SERTAD2: variants seen among roughly 807,000 people sequenced by gnomAD.
The protein encoded by SERTAD2 is SERTA domain-containing protein 2.
Under a neutral mutation model 15.4 loss-of-function variants are expected in SERTAD2, and 2 were observed. The ratio of observed to expected loss-of-function variants is 0.13; its 90% confidence interval spans 0.05 to 0.41. The LOEUF is 0.41. SERTAD2 is among the 10% of genes least tolerant of loss of function. SERTAD2 has a pLI of 0.99. For synonymous variants in SERTAD2, 180 were observed against 178.0 expected, an observed-to-expected ratio of 1.01 and a Z score of -0.09; for missense variants, 333 against 409.7, an observed-to-expected ratio of 0.81 and a Z score of 1.62.
In SERTAD2 at chr2:64,636,704, C is replaced by T. The variant is rs533662041; in HGVS notation, c.168G>A (p.Glu56=). Residue 56 remains glutamate, a synonymous_variant, in exon 2 of 2, where the codon GAG becomes GAA. Coordinates refer to ENST00000313349, the MANE Select transcript of SERTAD2 (RefSeq NM_014755.3). ...MKLYNHRPLT[E]PSLQKTVLIN... ...TTAAAACGGTCTTTTGCAAGCTGGGCTCTGTCAGGGGCCTGTGGTTATAGA... is the reference window on the plus strand; with the variant it reads ...TTAAAACGGTCTTTTGCAAGCTGGGTTCTGTCAGGGGCCTGTGGTTATAGA... The T allele has an allele frequency of 2.5e-6, 4 of 1,614,102 alleles. No individual in the cohort carries two copies. In the South Asian group the frequency reaches 4.4e-5, roughly 18 times the overall value.
intron 1 of SERTAD2, among the ~76,000 whole-genome samples, chr2:64,638,667 C>T (rs1348109907): frequency 6.7e-6 from 1 of 149,168 alleles, no homozygotes; most frequent in African/African-American, 2.5e-5. Context: ...TTGCATGAAA[C>T]ATTTCCCCTC....
intron 1 of SERTAD2, among the ~76,000 whole-genome samples, chr2:64,647,792 C>T (rs138398999): frequency 2.0e-4 from 30 of 152,168 alleles, no homozygotes; most frequent in African/African-American, 6.7e-4. Context: ...CAAAGGTGGC[C>T]TTCTAGGTTT....
Position 64,636,174 on chromosome 2 carries a change from G to A in SERTAD2, c.698C>T (p.Thr233Met), listed in dbSNP as rs755073979. 11 of 1,614,054 alleles carry A rather than the reference G, an allele frequency of 6.8e-6. No homozygotes were observed. In the East Asian group the frequency reaches 8.9e-5, roughly 13 times the overall value. The change falls in exon 2 of 2, where the codon ACG becomes ATG. Residue 233 changes from threonine to methionine, a missense_variant. Thr to Met is a moderately conservative substitution (Grantham distance 81). Around this residue, in one of 2 missense-constraint regions of SERTAD2, gnomAD observed 332 missense variants for 392.9 expected, o/e 0.84. Transcript: ENST00000313349. ...DSLPGNFEIT[T>M]STGFLTDLTL... ...CAAGTCTGTCAGGAAACCCGTGGAC[G>A]TCGTTATTTCAAAATTCCCAGGCAG...
At chr2:64,636,900 G>A (rs1674674704) in intron 1 of SERTAD2, 25 bp from the exon 2 acceptor site, 1 of 1,492,022 alleles carries the variant, frequency 6.7e-7, no homozygotes, top group Non-Finnish European at 9.2e-7. Flanking sequence ...GAGAGGAAAT[G>A]GCATTAATCA....
chr2:64,650,140 C>T (rs1674978892), intron 1 of SERTAD2, among the ~76,000 whole-genome samples: 1 of 152,060 alleles, frequency 6.6e-6, no homozygotes, highest in Non-Finnish European at 1.5e-5. Context: ...TGGGTCTTTC[C>T]AGCTTTGGGA....
At position 64,635,693 on chromosome 2, in the gene SERTAD2, C is replaced by T. The variant is rs774528284; in HGVS notation, c.*234G>A. On this transcript the variant is annotated 3_prime_UTR_variant, in exon 2 of 2. Transcript: ENST00000313349. ...ACATTGTCTTCAAATGGATTCTTTC[C>T]TATACCAGGGTAGTAGGTCTCTGAG... 1.6e-4 allele frequency: 73 copies of T among 450,902 alleles called. No individual in the cohort carries two copies. The highest frequency in any genetic ancestry group is 3.3e-4 in the Admixed American group (9 of 27,018). 27.9% of individuals were successfully genotyped at this position (450,902 alleles called of 1,614,324 possible). A position where few individuals can be genotyped will look rare whatever the true frequency, so the allele number is the denominator to read the frequency against.
chr2:64,636,624 C>T lies in SERTAD2; in HGVS notation c.248G>A (p.Arg83Lys). The T allele has an allele frequency of 6.2e-7, 1 of 1,613,238 alleles. No homozygotes were observed. The highest frequency in any genetic ancestry group is 8.5e-7 in the Non-Finnish European group (1 of 1,179,456). ...QEELKQEGSL[R>K]PMFTPSSQPT... The stretch of plus-strand genomic sequence containing the variant: ...CTGGGAGGAGGGGGTGAACATGGGC[C>T]TCAGGCTGCCTTCCTGTTTGAGTTC... Residue 83 changes from arginine to lysine, a missense_variant, in exon 2 of 2, where the codon AGG becomes AAG. Arg to Lys is a conservative substitution (Grantham distance 26, BLOSUM62 2). Transcript: ENST00000313349.
At chr2:64,647,277 CAT>C (rs1353115051) in intron 1 of SERTAD2, among the ~76,000 whole-genome samples, 5 of 152,166 alleles carry the variant, frequency 3.3e-5, no homozygotes, top group Non-Finnish European at 7.4e-5. Context: ...AAACTATAAA[CAT>C]ATCTATATTT....
chr2:64,635,878 T>G lies in SERTAD2; in HGVS notation c.*49A>C. 7.0e-7 allele frequency: 1 copy of G among 1,425,810 alleles called. No individual in the cohort carries two copies. Among genetic ancestry groups the G allele is most frequent in the Non-Finnish European group, 9.8e-7 (1 of 1,021,834 alleles). 88.3% of individuals were successfully genotyped at this position (1,425,810 alleles called of 1,614,324 possible). ...ACAGTGTGGAGAACTGTCAGGGTTA[T>G]GGGAACGCTCTGGGGTCTGGGTGGG... is the stretch of plus-strand genomic sequence containing the variant. On this transcript the variant is annotated 3_prime_UTR_variant, in exon 2 of 2. Transcript: ENST00000313349.
chr2:64,646,882 C>T (rs975356394), intron 1 of SERTAD2, among the ~76,000 whole-genome samples: 1 of 152,186 alleles, frequency 6.6e-6, no homozygotes, highest in Non-Finnish European at 1.5e-5. Flanking sequence ...TCAGAATTTC[C>T]AGTGGGGCTT....
chr2:64,650,603 T>C (rs1045325196), intron 1 of SERTAD2, among the ~76,000 whole-genome samples: 6 of 152,162 alleles, frequency 3.9e-5, no homozygotes, highest in African/African-American at 1.4e-4. Flanking sequence ...CACTGGCCAT[T>C]TGAGACAATC....
chr2:64,635,889 T>G lies in SERTAD2; in HGVS notation c.*38A>C, dbSNP rs1349156418. 5 of 1,497,878 alleles carry G rather than the reference T, an allele frequency of 3.3e-6. No individual in the cohort carries two copies. 92.8% of individuals were successfully genotyped at this position (1,497,878 alleles called of 1,614,324 possible). On this transcript the variant is annotated 3_prime_UTR_variant, in exon 2 of 2. Transcript: ENST00000313349. The stretch of plus-strand genomic sequence containing the variant: ...AACTGTCAGGGTTATGGGAACGCTC[T>G]GGGGTCTGGGTGGGCATAGTCGCTG...
At chr2:64,643,440 G>C (rs1309987528) in intron 1 of SERTAD2, among the ~76,000 whole-genome samples, 1 of 152,236 alleles carries the variant, frequency 6.6e-6, no homozygotes, top group African/African-American at 2.4e-5. Flanking sequence ...CCTGCCTCAT[G>C]ATGAGTCACC....
At chr2:64,651,534 T>G (rs1573093319) in intron 1 of SERTAD2, among the ~76,000 whole-genome samples, 1 of 152,240 alleles carries the variant, frequency 6.6e-6, no homozygotes, top group Non-Finnish European at 1.5e-5. Flanking sequence ...CAAATTTGAA[T>G]GAGTTTTAAA....
At chr2:64,648,559 G>A (rs1164345311) in intron 1 of SERTAD2, among the ~76,000 whole-genome samples, 1 of 152,092 alleles carries the variant, frequency 6.6e-6, no homozygotes, top group Non-Finnish European at 1.5e-5. Context: ...AATAATCAGA[G>A]TACCACACTA....
intron 1 of SERTAD2, among the ~76,000 whole-genome samples, chr2:64,639,134 A>G (rs1000463924): frequency 2.0e-5 from 3 of 152,248 alleles, no homozygotes; most frequent in African/African-American, 7.2e-5. Context: ...TTATAATGTG[A>G]TCATGGCAAC....
chr2:64,641,583 T>G (rs144638481), intron 1 of SERTAD2, among the ~76,000 whole-genome samples: 3 of 151,796 alleles, frequency 2.0e-5, no homozygotes, highest in African/African-American at 7.3e-5. Flanking sequence ...ACACGAACAG[T>G]AAGTGGAAAT....
At position 64,631,916 on chromosome 2, in the gene SERTAD2, A is replaced by T. The variant is rs1674541915; in HGVS notation, c.*4011T>A. The T allele has an allele frequency of 1.3e-5, 2 of 152,594 alleles. No homozygotes were observed. The highest frequency in any genetic ancestry group is 4.1e-4 in the South Asian group (2 of 4,824). The allele number at this position is 152,594 out of a possible 1,614,324, so 9.5% of individuals were successfully genotyped here. On this transcript the variant is annotated 3_prime_UTR_variant, in exon 2 of 2. Coordinates refer to ENST00000313349, the MANE Select transcript of SERTAD2 (RefSeq NM_014755.3). Reference sequence around the variant, plus strand: ...TCGGTCATGCGCACATATGGCCTGCATTTCTCTTCCAAAACTTGTTATCCC... The same window carrying T: ...TCGGTCATGCGCACATATGGCCTGCTTTTCTCTTCCAAAACTTGTTATCCC...
intron 1 of SERTAD2, among the ~76,000 whole-genome samples, chr2:64,651,844 G>C (rs1675018435): frequency 6.6e-6 from 1 of 152,140 alleles, no homozygotes. Context: ...CAAAATGTGA[G>C]TCCTCTCCCT....
Sources: gnomAD v4.1 joint callset for allele counts (sites outside exome capture counted in the v4.1 genomes callset) on GRCh38, gnomAD v4.1.1 for gene constraint, gnomAD v4.1.1 regional missense constraint, MANE v1.5 for transcripts, NCBI Gene and HGNC (gene_info 2026-07-23, HGNC 2026-07-21) for gene names.